STAT6: variants seen among roughly 807,000 people sequenced by gnomAD.
STAT6 encodes the protein STAT, interleukin4-induced.
Under a neutral mutation model 106.3 loss-of-function variants are expected in STAT6, and 45 were observed. The observed-to-expected ratio is 0.42, with a 90% confidence interval of 0.33 to 0.54. The LOEUF (loss-of-function observed/expected upper bound fraction) is 0.54. Ranked by LOEUF, STAT6 falls within the 20% of genes least tolerant of loss-of-function variation. The pLI, the probability that STAT6 is intolerant of heterozygous loss-of-function variation, is 0.06. For synonymous variants in STAT6, 413 were observed against 413.6 expected (o/e 1.00, Z 0.02); for missense variants, 797 against 1,062.2 (o/e 0.75, Z 3.47).
At position 57,105,649 on chromosome 12, in the gene STAT6, C is replaced by G. The variant is rs12721590; in HGVS notation, c.681-50G>C. 361 of 1,589,588 alleles carry G rather than the reference C, an allele frequency of 2.3e-4. 2 individuals are homozygous for G. The African/African-American group carries it at 4.6e-3, about 20-fold the overall frequency. ...GGCACAGGATTAAGGCTGCTTGCTC[C>G]GGCCCAGACCCCCTTCCCCTATACC... On this transcript the variant is annotated intron_variant, in intron 7 of 21. Transcript: ENST00000300134.
At chr12:57,102,772 T>G (rs533631680) in intron 12 of STAT6, 57 bp downstream of exon 12, 2 of 1,415,534 alleles carry the variant, frequency 1.4e-6, no homozygotes, top group Non-Finnish European at 2.0e-6. Flanking sequence ...CCTGCACCAC[T>G]GCCCATGTTA....
chr12:57,097,033 A>T, intron 20 of STAT6, 35 bp downstream of exon 20: 1 of 1,593,552 alleles, frequency 6.3e-7, no homozygotes, highest in Non-Finnish European at 8.6e-7. Flanking sequence ...AGGAAAGAAG[A>T]GGCACATGGG....
chr12:57,106,123 A>T (rs1430382898), intron 7 of STAT6, 68 bp downstream of exon 7: 14 of 1,602,338 alleles, frequency 8.7e-6, no homozygotes, highest in Admixed American at 1.7e-5. Flanking sequence ...TCTCACCTGT[A>T]GGGCCTTCAG....
Position 57,096,350 on chromosome 12 carries a change from G to C in STAT6, c.*222C>G. On this transcript the variant is annotated 3_prime_UTR_variant, in exon 22 of 22. Transcript: ENST00000300134. ...AGAGCCTGAACTTCCCTTCCAGTCA[G>C]TGCTGGAAGGAGGTGGGCAGGGGAA... is the stretch of plus-strand genomic sequence containing the variant. 1 of 552,516 alleles carries C rather than the reference G, an allele frequency of 1.8e-6. No individual in the cohort carries two copies. The highest frequency in any genetic ancestry group is 3.2e-6 in the Non-Finnish European group (1 of 314,950). 34.2% of individuals were successfully genotyped at this position (552,516 alleles called of 1,614,324 possible). A position where few individuals can be genotyped will look rare whatever the true frequency, so the allele number is the denominator to read the frequency against.
intron 3 of STAT6, 108 bp from the exon 4 acceptor site, chr12:57,107,422 G>T: frequency 7.6e-7 from 1 of 1,319,486 alleles, no homozygotes; most frequent in Non-Finnish European, 1.1e-6. Flanking sequence ...AAGCACAACT[G>T]TAGACTCCAG....
intron 13 of STAT6, chr12:57,100,714 GAAAGAAAGAA>G (rs1592554411): frequency 9.9e-5 from 6 of 60,690 alleles, no homozygotes; most frequent in East Asian, 4.1e-4. Context: ...AAGAAAGAAA[GAAAGAAAGAA>G]AGAAAGAAAG....
chr12:57,106,672 C>T, intron 5 of STAT6, 21 bp downstream of exon 5: 6 of 1,614,046 alleles, frequency 3.7e-6, no homozygotes, highest in Non-Finnish European at 5.1e-6. Context: ...ACACACTCCC[C>T]AGAACCACCC....
At chr12:57,105,918 A>C (rs1423223555) in intron 7 of STAT6, 1 of 641,598 alleles carries the variant, frequency 1.6e-6, no homozygotes, top group Non-Finnish European at 2.6e-6. Flanking sequence ...CCAATAAACC[A>C]AATGGAAAAG....
At chr12:57,110,588 A>T (rs968115821) in intron 1 of STAT6, 2 of 151,980 alleles carry the variant, frequency 1.3e-5, no homozygotes, top group African/African-American at 4.8e-5. Flanking sequence ...CAGCACGAGG[A>T]GGGTTAACTC....
In STAT6 at chr12:57,106,844, G is replaced by C; in HGVS notation, c.340-13C>G. The C allele has an allele frequency of 1.9e-6, 3 of 1,613,132 alleles. No homozygotes were observed. The highest frequency in any genetic ancestry group is 2.5e-6 in the Non-Finnish European group (3 of 1,179,986). ...GCAAGTGGCGGAACTACACAGGAAGGACAGATGCCAAGAAGTGAAACACTC... is the reference window on the plus strand; with the variant it reads ...GCAAGTGGCGGAACTACACAGGAAGCACAGATGCCAAGAAGTGAAACACTC... On this transcript the variant is annotated splice_polypyrimidine_tract_variant and intron_variant, in intron 4 of 21. Transcript: ENST00000300134.
intron 11 of STAT6, chr12:57,104,201 A>G (rs1461593231): frequency 2.9e-5 from 14 of 474,924 alleles, no homozygotes; most frequent in Non-Finnish European, 5.0e-5. Flanking sequence ...GTGTGCTGGC[A>G]CGCATGTGCG....
chr12:57,100,690 AAGAAAGAAAGAGAAAGAAAGAAAG>A (rs1565684481), intron 13 of STAT6, among the ~76,000 whole-genome samples: 2 of 42,238 alleles, frequency 4.7e-5, no homozygotes, highest in Non-Finnish European at 5.4e-5. Context: ...GAAAGAAAGA[AAGAAAGAAAGAGAAAGAAAGAAAG>A]AAAGAAAGAA....
intron 19 of STAT6, among the ~76,000 whole-genome samples, 189 bp downstream of exon 19, chr12:57,098,316 G>C (rs3024981): frequency 1.6e-4 from 25 of 152,294 alleles, no homozygotes; most frequent in African/African-American, 5.5e-4. Flanking sequence ...AAACCAGTAA[G>C]TGGTGGAGCT....
chr12:57,106,570 G>A lies in STAT6; in HGVS notation c.489C>T (p.His163=), dbSNP rs2034289668. ...KGAEAGQVSL[H]SLIETPANGT... Reference sequence around the variant, plus strand: ...CATTAGCAGGAGTTTCTATCAAGCTGTGCAGAGACACTGAGGGTTGGGGGC... The same window carrying A: ...CATTAGCAGGAGTTTCTATCAAGCTATGCAGAGACACTGAGGGTTGGGGGC... The change falls in exon 6 of 22, where the codon CAC becomes CAT. Residue 163 remains histidine (H), a synonymous_variant. Transcript: ENST00000300134. 4 of 1,614,168 alleles carry A rather than the reference G, an allele frequency of 2.5e-6. No homozygotes were observed. Among genetic ancestry groups the A allele is most frequent in the Non-Finnish European group, 3.4e-6 (4 of 1,180,026 alleles).
Position 57,105,173 on chromosome 12 carries a change from G to A in STAT6, c.979C>T (p.Pro327Ser), listed in dbSNP as rs1273795123. The A allele has an allele frequency of 1.9e-6, 3 of 1,613,202 alleles. No homozygotes were observed. The South Asian group carries it at 3.3e-5, about 18-fold the overall frequency. ...TACGCTCCAGCCCCAGGACCCTGAGGCACACTCAGCTCCCGCGCCTGCTTC... is the reference window on the plus strand; with the variant it reads ...TACGCTCCAGCCCCAGGACCCTGAGACACACTCAGCTCCCGCGCCTGCTTC... ...TEKQARELSVPQGPGAGAEST... is the reference protein window; with the variant it reads ...TEKQARELSVSQGPGAGAEST... The change falls in exon 9 of 22, where the codon CCT becomes TCT. Residue 327 changes from proline (P) to serine (S), a missense_variant. Physicochemically the swap from Pro to Ser is moderately conservative, Grantham distance 74 (BLOSUM62 -1). Transcript: ENST00000300134.
intron 7 of STAT6, 151 bp from the exon 8 acceptor site, chr12:57,105,750 G>C: frequency 3.9e-6 from 5 of 1,297,834 alleles, no homozygotes; most frequent in Non-Finnish European, 5.1e-6. Context: ...GGCTGAAGGG[G>C]GTTCTGTGAT....
chr12:57,102,401 C>G lies in STAT6; in HGVS notation c.1401G>C (p.Arg467=). Reference sequence around the variant, plus strand: ...AGAGGAAGTGCTCTGGGAGCAGCCCCCGGTTGGTCCCCACCTCAGCCATGA... The same window carrying G: ...AGAGGAAGTGCTCTGGGAGCAGCCCGCGGTTGGTCCCCACCTCAGCCATGA... ...LKFMAEVGTN[R]GLLPEHFLFL... is the part of the protein sequence containing the mutation. The change falls in exon 13 of 22, where the codon CGG becomes CGC. Residue 467 remains arginine (R), a synonymous_variant. Coordinates refer to ENST00000300134, the MANE Select transcript of STAT6 (RefSeq NM_003153.5). 3 of 1,614,146 alleles carry G rather than the reference C, an allele frequency of 1.9e-6. No individual in the cohort carries two copies. The highest frequency in any genetic ancestry group is 2.5e-6 in the Non-Finnish European group (3 of 1,180,018).
chr12:57,099,909 C>T lies in STAT6; in HGVS notation c.1608-6G>A, dbSNP rs368586445. 2.5e-6 allele frequency: 4 copies of T among 1,614,078 alleles called. No individual in the cohort carries two copies. Among genetic ancestry groups the T allele is most frequent in the Non-Finnish European group, 3.4e-6 (4 of 1,180,020 alleles). ...TGATGAAGCCAATGATCAGCCTGGC[C>T]GGGATGAAGGAGAGGATGGGGCATG... is the stretch of plus-strand genomic sequence containing the variant. On this transcript the variant is annotated splice_region_variant and splice_polypyrimidine_tract_variant and intron_variant, in intron 14 of 21. Transcript: ENST00000300134. The surrounding 1 kb of genome is among the most constrained non-coding windows in gnomAD (Gnocchi z 4.7).
chr12:57,105,071 C>T, intron 9 of STAT6, 80 bp downstream of exon 9: 1 of 1,503,172 alleles, frequency 6.7e-7, no homozygotes, highest in Non-Finnish European at 9.0e-7. Context: ...CCATCCCTTG[C>T]TCTTTTCAGT....
Sources: allele counts gnomAD v4.1 joint callset (sites outside exome capture counted in the v4.1 genomes callset), GRCh38; gene constraint gnomAD v4.1.1; non-coding constraint Gnocchi (gnomAD v3.1); transcripts MANE v1.5; gene names NCBI Gene and HGNC (gene_info 2026-07-23, HGNC 2026-07-21).